SCN3A: variants seen among roughly 807,000 people sequenced by gnomAD.
SCN3A encodes the protein sodium channel protein type 3 subunit alpha.
A neutral mutation model predicts 187.6 loss-of-function variants in SCN3A; 60 were observed. The observed-to-expected ratio is 0.32, with a 90% CI of 0.26 to 0.40. The LOEUF (loss-of-function observed/expected upper bound fraction) is 0.40, where lower values mean the gene tolerates loss of function less well. SCN3A is among the 10% of genes least tolerant of loss of function. The pLI is 1.00. For missense variants in SCN3A, 1,601 were observed against 2,428.2 expected, an observed-to-expected ratio of 0.66 and a Z score of 7.16; for synonymous variants, 788 against 829.2, an observed-to-expected ratio of 0.95 and a Z score of 0.85.
intron 12 of SCN3A, among the ~76,000 whole-genome samples, chr2:165,141,208 A>G (rs571735133): frequency 1.7e-4 from 26 of 152,304 alleles, no homozygotes; most frequent in South Asian, 1.7e-3. Context: ...CTGACTAACA[A>G]TACTGATTTG....
At chr2:165,197,341 C>T (rs1692027130) in intron 1 of SCN3A, among the ~76,000 whole-genome samples, 1 of 152,098 alleles carries the variant, frequency 6.6e-6, no homozygotes, top group Admixed American at 6.6e-5. Context: ...AATTGGTTTT[C>T]AAACCTGGCT....
intron 18 of SCN3A, among the ~76,000 whole-genome samples, chr2:165,116,103 C>CGTT (rs149946275): frequency 2.0e-5 from 3 of 151,846 alleles, no homozygotes; most frequent in African/African-American, 7.3e-5. Flanking sequence ...TAGTCACAGT[C>CGTT]ATATTTCAAC....
intron 4 of SCN3A, 30 bp downstream of exon 4, chr2:165,170,400 G>A (rs755232647): frequency 9.2e-6 from 11 of 1,201,246 alleles, no homozygotes; most frequent in Non-Finnish European, 1.4e-5. Flanking sequence ...GTTAGAAATA[G>A]CATTTAGGCA....
chr2:165,179,986 T>A (rs1450070893), intron 2 of SCN3A, among the ~76,000 whole-genome samples: 1 of 151,990 alleles, frequency 6.6e-6, no homozygotes, highest in Admixed American at 6.6e-5. Flanking sequence ...TTATAATTTA[T>A]TAAAATACAT....
In SCN3A at chr2:165,203,861, GC is replaced by G. The variant is rs1454675892; in HGVS notation, c.-287del. ...GCCTTATGAATTACAGCATAACAAA[GC>G]CCAGCATCCAAGATGGTTAGGGTAT... On this transcript the variant is annotated 5_prime_UTR_variant, in exon 1 of 28. An upstream open reading frame in the 5' UTR loses its in-frame stop. Transcript: ENST00000283254. The G allele has an allele frequency of 1.4e-5, 2 of 147,564 alleles. No homozygotes were observed. The highest frequency in any genetic ancestry group is 5.0e-5 in the African/African-American group (2 of 40,112). The allele number at this position is 147,564 out of a possible 1,614,324, so 9.1% of individuals were successfully genotyped here.
chr2:165,146,382 ATGTGTGTGTG>A (rs5836018), intron 12 of SCN3A, among the ~76,000 whole-genome samples: 23 of 107,846 alleles, frequency 2.1e-4, no homozygotes, highest in East Asian at 6.1e-4. Context: ...ATATATATAT[ATGTGTGTGTG>A]TGTGTGTGTG....
At position 165,154,441 on chromosome 2, in the gene SCN3A, T is replaced by C. The variant is rs1465849696; in HGVS notation, c.1380+11A>G. The C allele has an allele frequency of 1.9e-6, 3 of 1,613,228 alleles. No homozygotes were observed. In the African/African-American group the frequency reaches 4.0e-5, roughly 22 times the overall value. ...TAATAATGATAAATCTTTGCTTTTA[T>C]CACTCAGTACCTGAGCTTCTTCCTG... On this transcript the variant is annotated intron_variant, in intron 11 of 27. Transcript: ENST00000283254.
intron 5 of SCN3A, among the ~76,000 whole-genome samples, chr2:165,166,056 C>T (rs1689737228): frequency 6.6e-6 from 1 of 152,174 alleles, no homozygotes; most frequent in African/African-American, 2.4e-5. Flanking sequence ...TTTTAAAGGC[C>T]TAGAAACACC....
intron 12 of SCN3A, among the ~76,000 whole-genome samples, chr2:165,142,430 G>A (rs1409084397): frequency 6.6e-6 from 1 of 152,158 alleles, no homozygotes; most frequent in Non-Finnish European, 1.5e-5. Context: ...TATTCTGGAA[G>A]GATATTATTC....
intron 1 of SCN3A, among the ~76,000 whole-genome samples, chr2:165,196,867 A>G (rs1349904578): frequency 6.6e-6 from 1 of 152,150 alleles, no homozygotes; most frequent in Non-Finnish European, 1.5e-5. Flanking sequence ...GATTCAAAGA[A>G]TATCTTTCAG....
chr2:165,154,567 A>G lies in SCN3A; in HGVS notation c.1265T>C (p.Val422Ala). ...CTGCTCCTCATAGGCCATGGCCACC[A>G]CAGCCAGGATCAAATTCACCAAATA... ...SFYLVNLILA[V>A]VAMAYEEQNQ... is the part of the protein sequence containing the mutation. Residue 422 changes from valine to alanine, a missense_variant, in exon 11 of 28, where the codon GTG becomes GCG. Transcript: ENST00000283254. 1 of 1,614,152 alleles carries G rather than the reference A, an allele frequency of 6.2e-7. No individual in the cohort carries two copies. The highest frequency in any genetic ancestry group is 8.5e-7 in the Non-Finnish European group (1 of 1,180,020).
intron 2 of SCN3A, among the ~76,000 whole-genome samples, chr2:165,178,619 G>T (rs183186537): frequency 3.3e-5 from 5 of 152,146 alleles, no homozygotes; most frequent in African/African-American, 2.4e-5. Flanking sequence ...TACTATGAAG[G>T]TATATTCTAT....
chr2:165,101,636 T>C (rs1236258962), intron 21 of SCN3A, among the ~76,000 whole-genome samples: 8 of 152,242 alleles, frequency 5.3e-5, no homozygotes, highest in Non-Finnish European at 1.5e-5. Context: ...GGTACATAAC[T>C]AGTGCTTTCC....
In SCN3A at chr2:165,153,987, A is replaced by ATTTTTTTTTTTTTTTT. The variant is rs71393659; in HGVS notation, c.1380+449_1380+464dup. Among the ~76,000 whole-genome samples the ATTTTTTTTTTTTTTTT allele has an allele frequency of 1.4e-3, 132 of 92,748 alleles. 21 individuals carry two copies. The highest frequency in any genetic ancestry group is 5.8e-3 in the African/African-American group (124 of 21,260). The allele number at this position is 92,748 out of a possible 152,430, so 60.8% of individuals were successfully genotyped here. ...TATCCTGATGTGGGCTATAGCAAAC[A>ATTTTTTTTTTTTTTTT]TTTTTTTTTTTTTTTTTTTTTGCTA... On this transcript the variant is annotated intron_variant, in intron 11 of 27. Transcript: ENST00000283254.
chr2:165,192,742 C>T (rs932204882), intron 1 of SCN3A, among the ~76,000 whole-genome samples: 1 of 152,202 alleles, frequency 6.6e-6, no homozygotes, highest in South Asian at 2.1e-4. Context: ...AAAATTTTTA[C>T]AGTAATTATA....
intron 12 of SCN3A, among the ~76,000 whole-genome samples, chr2:165,142,830 A>C (rs1367406618): frequency 6.6e-6 from 1 of 151,860 alleles, no homozygotes; most frequent in Non-Finnish European, 1.5e-5. Flanking sequence ...GGCTCACTGC[A>C]ATCTCCACCT....
chr2:165,100,243 C>A, intron 22 of SCN3A, 59 bp downstream of exon 22: 2 of 1,575,304 alleles, frequency 1.3e-6, no homozygotes, highest in Non-Finnish European at 1.7e-6. Flanking sequence ...CCTTTTCTAT[C>A]TAAATCATTA....
At chr2:165,163,311 A>T (rs1176864993) in intron 7 of SCN3A, among the ~76,000 whole-genome samples, 1 of 152,166 alleles carries the variant, frequency 6.6e-6, no homozygotes, top group Non-Finnish European at 1.5e-5. Flanking sequence ...ATCTGCAGCG[A>T]ATGGTAAAAT....
At chr2:165,144,648 T>C (rs1222403047) in intron 12 of SCN3A, among the ~76,000 whole-genome samples, 1 of 152,174 alleles carries the variant, frequency 6.6e-6, no homozygotes, top group Admixed American at 6.5e-5. Flanking sequence ...AACCACCCTA[T>C]TTAAAATTTT....
Sources: allele counts gnomAD v4.1 joint callset (sites outside exome capture counted in the v4.1 genomes callset), GRCh38; gene constraint gnomAD v4.1.1; transcripts MANE v1.5; gene names NCBI Gene and HGNC (gene_info 2026-07-23, HGNC 2026-07-21).